The following NFATC1 variants were observed in gnomAD, a reference collection of about 807,000 sequenced individuals.
NFATC1 encodes nuclear factor of activated T cells 1, also known as nuclear factor of activated T-cells, cytoplasmic 1.
Under a neutral mutation model 76.0 loss-of-function variants are expected in NFATC1, and 22 were observed. The ratio of observed to expected loss-of-function variants is 0.29; its 90% confidence interval spans 0.21 to 0.41. The LOEUF (loss-of-function observed/expected upper bound fraction) is 0.41. Among genes scored for constraint, NFATC1 ranks in the 10% least tolerant of loss-of-function variants. The probability of loss-of-function intolerance (pLI) is 1.00; values close to 1 mark genes in which losing one functional copy is unlikely to be tolerated. For synonymous variants in NFATC1, 704 were observed against 613.1 expected, an observed-to-expected ratio of 1.15 and a Z score of -2.19; for missense variants, 1,357 against 1,337.7, an observed-to-expected ratio of 1.01 and a Z score of -0.23.
Position 79,518,809 on chromosome 18 carries a change from T to C in NFATC1, c.2783-8719T>C, listed in dbSNP as rs561620733. ...GGGTGTTAGGACCCCTGGCACCCGG[T>C]GTCCCTCAGTGGACGGCCGTTGATT... On this transcript the variant is annotated intron_variant, in intron 9 of 9. Coordinates refer to ENST00000427363, the MANE Select transcript of NFATC1 (RefSeq NM_001278669.2). Among the ~76,000 whole-genome samples, 70 of 152,338 alleles carry C rather than the reference T, an allele frequency of 4.6e-4. 1 individual carries two copies. In the East Asian group the frequency reaches 0.013, roughly 28 times the overall value.
In NFATC1 at chr18:79,433,579, C is replaced by A. The variant is rs770586090; in HGVS notation, c.1227C>A (p.Ser409Arg). 6.2e-7 allele frequency: 1 copy of A among 1,613,012 alleles called. No homozygotes were observed. The highest frequency in any genetic ancestry group is 8.5e-7 in the Non-Finnish European group (1 of 1,179,922). The part of the protein sequence containing the change: ...PKPLSPTSYM[S>R]PTLPALDWQL... ...CCTCCTCTGCTCTGTTCCCTTCCAG[C>A]CCGACCCTGCCCGCCCTGGACTGGC... Residue 409 changes from serine (S) to arginine (R), a missense_variant and splice_region_variant, in exon 3 of 10, where the codon AGC becomes AGA. This residue lies in a region of NFATC1 where 691 missense variants were observed against 613.1 expected (regional missense o/e 1.13). Transcript: ENST00000427363.
chr18:79,400,358 C>G (rs562176816), intron 1 of NFATC1: 14 of 1,358,336 alleles, frequency 1.0e-5, no homozygotes, highest in Non-Finnish European at 1.3e-5. Context: ...CGGCCGCGAC[C>G]CCGGCTCCCG....
intron 1 of NFATC1, among the ~76,000 whole-genome samples, chr18:79,399,053 C>CCTGG (rs1237291481): frequency 6.6e-6 from 1 of 152,228 alleles, no homozygotes; most frequent in South Asian, 2.1e-4. Flanking sequence ...GGTGACAGAG[C>CCTGG]GAGACTCCGT....
intron 2 of NFATC1, among the ~76,000 whole-genome samples, chr18:79,427,108 A>C (rs2086367528): frequency 6.6e-6 from 1 of 151,994 alleles, no homozygotes; most frequent in Non-Finnish European, 1.5e-5. Context: ...TTCTTAGGTT[A>C]AGTGCGTCTT....
chr18:79,408,138 GT>G (rs1181692837), intron 1 of NFATC1, among the ~76,000 whole-genome samples: 10 of 152,206 alleles, frequency 6.6e-5, no homozygotes, highest in African/African-American at 2.2e-4. Context: ...AACCATTTCT[GT>G]TAGTAAATAC....
chr18:79,423,161 C>T (rs1208978868), intron 2 of NFATC1, among the ~76,000 whole-genome samples: 3 of 152,012 alleles, frequency 2.0e-5, no homozygotes, highest in South Asian at 2.1e-4. Flanking sequence ...GGGTCTGTGT[C>T]CTGGTCGTAC....
At chr18:79,487,419 A>T (rs2089539611) in intron 9 of NFATC1, among the ~76,000 whole-genome samples, 1 of 152,184 alleles carries the variant, frequency 6.6e-6, no homozygotes, top group East Asian at 1.9e-4. Context: ...AAACACATCT[A>T]AATGCAGTGG....
chr18:79,408,240 C>T (rs939910349), intron 1 of NFATC1, among the ~76,000 whole-genome samples: 1 of 152,194 alleles, frequency 6.6e-6, no homozygotes, highest in Non-Finnish European at 1.5e-5. Context: ...AAAGACAGCA[C>T]TGTCCTTGAA....
chr18:79,423,783 C>T (rs1265237346), intron 2 of NFATC1, among the ~76,000 whole-genome samples: 2 of 152,212 alleles, frequency 1.3e-5, no homozygotes, highest in East Asian at 1.9e-4. Flanking sequence ...TTGTGAGGCC[C>T]GTGCCCTCCT....
At chr18:79,408,828 CCATCCATCCAT>C (rs2085531277) in intron 1 of NFATC1, among the ~76,000 whole-genome samples, 3 of 151,416 alleles carry the variant, frequency 2.0e-5, no homozygotes, top group African/African-American at 2.4e-5. Flanking sequence ...CATTCATCAT[CCATCCATCCAT>C]CATCCATCCA....
intron 2 of NFATC1, among the ~76,000 whole-genome samples, chr18:79,428,209 GA>G (rs2086467201): frequency 6.6e-6 from 1 of 152,178 alleles, no homozygotes; most frequent in South Asian, 2.1e-4. Flanking sequence ...TCTTTAGTGA[GA>G]AACAGGAAAT....
chr18:79,434,360 C>T (rs1288609305), intron 3 of NFATC1, among the ~76,000 whole-genome samples: 1 of 152,230 alleles, frequency 6.6e-6, no homozygotes, highest in African/African-American at 2.4e-5. Context: ...TGCGGGAAAG[C>T]CACGTGGAGT....
At position 79,465,907 on chromosome 18, in the gene NFATC1, A is replaced by G. The variant is rs1479831534; in HGVS notation, c.1960-1543A>G. Among the ~76,000 whole-genome samples the G allele has an allele frequency of 6.6e-6, 1 of 152,244 alleles. No homozygotes were observed. Among genetic ancestry groups the G allele is most frequent in the Non-Finnish European group, 1.5e-5 (1 of 68,042 alleles). On this transcript the variant is annotated intron_variant, in intron 7 of 9. Coordinates refer to ENST00000427363, the MANE Select transcript of NFATC1 (RefSeq NM_001278669.2). This position sits in a 1 kb window ranked among gnomAD's most constrained non-coding sequence, Gnocchi z 4.2. ...CAGGCCCCGCCCACTGACAGCACTC[A>G]TGGCCCCTCCGGCGGCAGCTTCAGC...
chr18:79,406,451 C>G (rs941914706), intron 1 of NFATC1, among the ~76,000 whole-genome samples: 1 of 152,056 alleles, frequency 6.6e-6, no homozygotes, highest in African/African-American at 2.4e-5. Context: ...ATCCACGCTG[C>G]CATCGTGTTC....
intron 8 of NFATC1, among the ~76,000 whole-genome samples, chr18:79,479,450 C>T (rs1208174917): frequency 6.6e-6 from 1 of 152,216 alleles, no homozygotes; most frequent in African/African-American, 2.4e-5. Flanking sequence ...ATGCGTCTTA[C>T]GAGGCTCTGA....
intron 1 of NFATC1, among the ~76,000 whole-genome samples, chr18:79,403,090 G>C (rs756779259): frequency 1.3e-5 from 2 of 152,168 alleles, no homozygotes; most frequent in African/African-American, 2.4e-5. Flanking sequence ...TGGCAGAGCT[G>C]AGGTCAGTGT....
At chr18:79,423,103 G>C (rs1190833784) in intron 2 of NFATC1, among the ~76,000 whole-genome samples, 1 of 151,644 alleles carries the variant, frequency 6.6e-6, no homozygotes, top group African/African-American at 2.4e-5. Context: ...TGGGAGGGTT[G>C]GGGCGCGTAC....
intron 8 of NFATC1, among the ~76,000 whole-genome samples, chr18:79,473,001 G>T (rs1052835260): frequency 2.6e-5 from 4 of 152,230 alleles, no homozygotes; most frequent in African/African-American, 9.6e-5. Flanking sequence ...AGGAACCAGG[G>T]TGGCCTCCCC....
At chr18:79,484,810 T>A (rs981449027) in intron 8 of NFATC1, among the ~76,000 whole-genome samples, 1 of 152,046 alleles carries the variant, frequency 6.6e-6, no homozygotes, top group Non-Finnish European at 1.5e-5. Flanking sequence ...CCACCATGGA[T>A]GACTCGCGCC....
Sources: allele counts gnomAD v4.1 joint callset (sites outside exome capture counted in the v4.1 genomes callset), GRCh38; gene constraint gnomAD v4.1.1; regional missense constraint gnomAD v4.1.1; non-coding constraint Gnocchi (gnomAD v3.1); transcripts MANE v1.5; gene names NCBI Gene and HGNC (gene_info 2026-07-23, HGNC 2026-07-21).